LIN52: variants seen among roughly 807,000 people sequenced by gnomAD.
The protein encoded by LIN52 is lin-52 DREAM MuvB core complex component.
In LIN52, 4 loss-of-function variants were observed where a neutral mutation model predicts 18.5. The observed-to-expected ratio is 0.22, with a 90% CI of 0.11 to 0.49. The LOEUF is 0.49. LIN52 is among the 20% of genes least tolerant of loss of function. LIN52 has a pLI of 0.97. For synonymous variants in LIN52, 34 were observed against 45.5 expected (o/e 0.75, Z 1.02); for missense variants, 102 against 139.5 (o/e 0.73, Z 1.35).
At chr14:74,096,973 T>C (rs970407621) in intron 3 of LIN52, among the ~76,000 whole-genome samples, 1 of 152,228 alleles carries the variant, frequency 6.6e-6, no homozygotes, top group African/African-American at 2.4e-5. Flanking sequence ...TTAAGTTCAC[T>C]TTCATAAATG....
At chr14:74,193,172 C>T (rs2078889433) in intron 5 of LIN52, among the ~76,000 whole-genome samples, 1 of 151,578 alleles carries the variant, frequency 6.6e-6, no homozygotes, top group Non-Finnish European at 1.5e-5. Flanking sequence ...AGTTATTTTG[C>T]CTCATCATTT....
chr14:74,198,479 T>C (rs1474655626), intron 5 of LIN52, among the ~76,000 whole-genome samples: 1 of 152,226 alleles, frequency 6.6e-6, no homozygotes, highest in African/African-American at 2.4e-5. Flanking sequence ...TGCTGAGAGA[T>C]AGGGTAAATG....
intron 5 of LIN52, among the ~76,000 whole-genome samples, chr14:74,171,332 T>C (rs1243028373): frequency 1.3e-5 from 2 of 148,460 alleles, no homozygotes; most frequent in African/African-American, 5.0e-5. Flanking sequence ...AACACTACAC[T>C]CCAGCCTAGG....
chr14:74,166,952 C>G (rs563823042), intron 5 of LIN52, among the ~76,000 whole-genome samples: 8 of 151,836 alleles, frequency 5.3e-5, no homozygotes, highest in Non-Finnish European at 1.2e-4. Context: ...ATTGATGGTT[C>G]TTTTTTCTGT....
chr14:74,090,634 T>C (rs2060767358), intron 1 of LIN52, among the ~76,000 whole-genome samples: 1 of 152,076 alleles, frequency 6.6e-6, no homozygotes, highest in Non-Finnish European at 1.5e-5. Flanking sequence ...CATGTCCGGC[T>C]GGGGTTTTTT....
intron 5 of LIN52, among the ~76,000 whole-genome samples, chr14:74,162,116 CT>C (rs1178222032): frequency 6.6e-6 from 1 of 152,162 alleles, no homozygotes; most frequent in Non-Finnish European, 1.5e-5. Flanking sequence ...GGGTTGATAA[CT>C]ATCATTCAAT....
intron 5 of LIN52, among the ~76,000 whole-genome samples, chr14:74,135,654 A>G (rs1325558358): frequency 6.6e-6 from 1 of 152,174 alleles, no homozygotes; most frequent in Non-Finnish European, 1.5e-5. Flanking sequence ...AATTGTTGCA[A>G]GAATAAGATT....
chr14:74,105,353 T>C (rs570537975), intron 5 of LIN52, among the ~76,000 whole-genome samples: 1 of 152,352 alleles, frequency 6.6e-6, no homozygotes, highest in Non-Finnish European at 1.5e-5. Flanking sequence ...TGAGCACAGC[T>C]GAGATTGTTC....
intron 1 of LIN52, among the ~76,000 whole-genome samples, chr14:74,089,611 A>T (rs1426932745): frequency 6.6e-6 from 1 of 151,872 alleles, no homozygotes; most frequent in East Asian, 1.9e-4. Flanking sequence ...CAAGCAATCC[A>T]CCCACCTCGG....
At chr14:74,137,498 C>CTCTGT (rs776969152) in intron 5 of LIN52, among the ~76,000 whole-genome samples, 1 of 111,624 alleles carries the variant, frequency 9.0e-6, no homozygotes, top group African/African-American at 3.7e-5. Context: ...CAGCAGCTCT[C>CTCTGT]TTTTTTTTTT....
chr14:74,171,399 A>AT (rs1170507039), intron 5 of LIN52, among the ~76,000 whole-genome samples: 15 of 151,556 alleles, frequency 9.9e-5, no homozygotes, highest in Non-Finnish European at 1.9e-4. Context: ...AGTCTGTTGT[A>AT]TTTTTTACAC....
At chr14:74,169,954 C>G (rs1159919208) in intron 5 of LIN52, among the ~76,000 whole-genome samples, 1 of 152,134 alleles carries the variant, frequency 6.6e-6, no homozygotes, top group Non-Finnish European at 1.5e-5. Context: ...AAAAGCTTCA[C>G]AGAAGAGACA....
At chr14:74,175,509 A>G (rs2139579137) in intron 5 of LIN52, among the ~76,000 whole-genome samples, 1 of 151,612 alleles carries the variant, frequency 6.6e-6, no homozygotes. Flanking sequence ...CCTGGGCAAT[A>G]TAGCAAGACC....
At position 74,150,103 on chromosome 14, in the gene LIN52, A is replaced by G. The variant is rs1054899668; in HGVS notation, c.284-48819A>G. 2.0e-5 allele frequency among the ~76,000 whole-genome samples: 3 copies of G among 152,206 alleles called. No individual in the cohort carries two copies. In the East Asian group the frequency reaches 5.8e-4, roughly 29 times the overall value. On this transcript the variant is annotated intron_variant, in intron 5 of 5. Transcript: ENST00000555028. ...AACCATTTTGGAAAACTTAGGCGGT[A>G]TCTACTAAAACTGATCATACCTCTA...
chr14:74,119,318 A>C (rs1259036605), intron 5 of LIN52, among the ~76,000 whole-genome samples: 1 of 149,480 alleles, frequency 6.7e-6, no homozygotes, highest in Admixed American at 6.6e-5. Flanking sequence ...CCCCCCCACC[A>C]CGCCCAGCTA....
chr14:74,136,334 T>A (rs186593546), intron 5 of LIN52, among the ~76,000 whole-genome samples: 3 of 152,316 alleles, frequency 2.0e-5, no homozygotes, highest in Admixed American at 2.0e-4. Flanking sequence ...GTATGCCCAG[T>A]CAATATGTTG....
intron 5 of LIN52, among the ~76,000 whole-genome samples, chr14:74,161,685 CG>C (rs531783728): frequency 1.1e-4 from 17 of 152,280 alleles, no homozygotes; most frequent in African/African-American, 3.8e-4. Flanking sequence ...CACATGGCCA[CG>C]GGAACACTCT....
chr14:74,122,245 G>T (rs1281144251), intron 5 of LIN52, among the ~76,000 whole-genome samples: 1 of 152,100 alleles, frequency 6.6e-6, no homozygotes, highest in African/African-American at 2.4e-5. Flanking sequence ...TAAATTTTTT[G>T]AGTTTGTTAA....
At chr14:74,192,196 C>T (rs1196509642) in intron 5 of LIN52, among the ~76,000 whole-genome samples, 1 of 83,026 alleles carries the variant, frequency 1.2e-5, no homozygotes, top group East Asian at 3.3e-4. Context: ...TGTAAAGCAG[C>T]AGCTAAGGAG....
Sources: allele counts gnomAD v4.1 joint callset (sites outside exome capture counted in the v4.1 genomes callset), GRCh38; gene constraint gnomAD v4.1.1; transcripts MANE v1.5; gene names NCBI Gene and HGNC (gene_info 2026-07-23, HGNC 2026-07-21).